Variants in ANKRD31 observed in about 807,000 individuals in gnomAD.
ANKRD31 encodes ankyrin repeat domain-containing protein 31.
A neutral mutation model predicts 186.0 loss-of-function variants in ANKRD31; 147 were observed. That is an observed-to-expected ratio of 0.79 (90% CI 0.69 to 0.91). The LOEUF (loss-of-function observed/expected upper bound fraction) is 0.91, where lower values mean the gene tolerates loss of function less well. ANKRD31 is among the 40% of genes least tolerant of loss of function. The pLI is 0.00. For synonymous variants in ANKRD31, 673 were observed against 736.4 expected (o/e 0.91, Z 1.39); for missense variants, 1,986 against 2,148.8 (o/e 0.92, Z 1.50).
chr5:75,226,198 GACA>G (rs1193722237), intron 2 of ANKRD31, among the ~76,000 whole-genome samples: 1 of 152,180 alleles, frequency 6.6e-6, no homozygotes. Context: ...CTGGCTCCCA[GACA>G]ACATCTCTAG....
intron 1 of ANKRD31, among the ~76,000 whole-genome samples, chr5:75,235,878 C>T (rs890663086): frequency 1.3e-5 from 2 of 151,970 alleles, no homozygotes; most frequent in African/African-American, 4.8e-5. Flanking sequence ...ACCTGTCTTT[C>T]TGATCATATG....
At chr5:75,167,007 C>A (rs191828369) in intron 11 of ANKRD31, among the ~76,000 whole-genome samples, 4 of 151,876 alleles carry the variant, frequency 2.6e-5, no homozygotes, top group Admixed American at 6.6e-5. Flanking sequence ...GGTTGTATAA[C>A]CCTCACCACA....
chr5:75,194,498 G>A (rs1320452672), intron 7 of ANKRD31, among the ~76,000 whole-genome samples: 1 of 151,986 alleles, frequency 6.6e-6, no homozygotes. Flanking sequence ...ATGCAGTATT[G>A]TCCCAGGTAT....
chr5:75,170,273 G>A (rs1208203397), intron 10 of ANKRD31, among the ~76,000 whole-genome samples: 1 of 151,994 alleles, frequency 6.6e-6, no homozygotes, highest in Non-Finnish European at 1.5e-5. Context: ...AAACATTAGA[G>A]GTGTACACTT....
In ANKRD31 at chr5:75,162,787, C is replaced by A. The variant is rs552858663; in HGVS notation, c.1707+6192G>T. ...TTTTAATGAAAAATCTACTTAGATA[C>A]CACAGCCCAGGTGCTAGGTATGCTC... On this transcript the variant is annotated intron_variant, in intron 11 of 25. Transcript: ENST00000506364. 3.6e-4 allele frequency among the ~76,000 whole-genome samples: 55 copies of A among 152,218 alleles called. No homozygotes were observed. In the South Asian group the frequency reaches 5.0e-3, roughly 14 times the overall value.
chr5:75,112,489 A>G lies in ANKRD31; in HGVS notation c.4243+24T>C. 2.1e-6 allele frequency: 3 copies of G among 1,397,168 alleles called. No individual in the cohort carries two copies. In the East Asian group the frequency reaches 7.6e-5, roughly 35 times the overall value. 86.5% of individuals were successfully genotyped at this position (1,397,168 alleles called of 1,614,324 possible). The stretch of plus-strand genomic sequence containing the variant: ...GACCTTGGGTATCTGAAAATATCAT[A>G]CTTGAGTATGAGTCTATATTTACCT... On this transcript the variant is annotated intron_variant, in intron 20 of 25. Transcript: ENST00000506364.
intron 10 of ANKRD31, among the ~76,000 whole-genome samples, chr5:75,177,066 A>G (rs556490266): frequency 6.6e-6 from 1 of 152,372 alleles, no homozygotes; most frequent in South Asian, 2.1e-4. Context: ...AAACCACGGC[A>G]CGAGAACTAC....
At chr5:75,084,135 T>C in intron 24 of ANKRD31, 137 bp downstream of exon 24, 2 of 670,712 alleles carry the variant, frequency 3.0e-6, no homozygotes, top group Non-Finnish European at 5.0e-6. Flanking sequence ...CACTGAATTG[T>C]TCACCTTGAA....
At chr5:75,236,493 C>T in intron 1 of ANKRD31, 90 bp downstream of exon 1, 2 of 1,059,500 alleles carry the variant, frequency 1.9e-6, no homozygotes, top group Admixed American at 2.4e-5. Context: ...GTTCTGGTCA[C>T]GATCTCCACT....
chr5:75,180,813 A>T (rs979794576), intron 10 of ANKRD31, among the ~76,000 whole-genome samples: 1 of 152,200 alleles, frequency 6.6e-6, no homozygotes, highest in Non-Finnish European at 1.5e-5. Flanking sequence ...CATTCAGGAC[A>T]TAGGCATGGG....
At position 75,147,078 on chromosome 5, in the gene ANKRD31, T is replaced by C; in HGVS notation, c.2333A>G (p.Glu778Gly). The change falls in exon 14 of 26, where the codon GAA becomes GGA. Residue 778 changes from glutamate (E) to glycine (G), a missense_variant. Glu to Gly is a moderately conservative substitution (Grantham distance 98). Transcript: ENST00000506364. Reference protein sequence around the residue: ...HIPETHNDLPEELCEPSSLTL... With the variant: ...HIPETHNDLPGELCEPSSLTL... ...TAAGCTGGAAGGTTCACACAATTCT[T>C]CTGGAAGGTCATTATGAGTTTCTGG... 6.5e-7 allele frequency: 1 copy of C among 1,536,412 alleles called. No homozygotes were observed. The highest frequency in any genetic ancestry group is 8.7e-7 in the Non-Finnish European group (1 of 1,146,364).
intron 20 of ANKRD31, among the ~76,000 whole-genome samples, chr5:75,108,141 T>C (rs986834099): frequency 1.3e-5 from 2 of 151,902 alleles, no homozygotes; most frequent in Admixed American, 6.6e-5. Flanking sequence ...GTAAAATTTG[T>C]GTTATATATT....
At chr5:75,165,410 A>T (rs1483062723) in intron 11 of ANKRD31, among the ~76,000 whole-genome samples, 1 of 152,106 alleles carries the variant, frequency 6.6e-6, no homozygotes, top group Non-Finnish European at 1.5e-5. Context: ...ATGATAAAGA[A>T]ATAATTCAAT....
At chr5:75,211,858 T>C (rs751482005) in intron 3 of ANKRD31, among the ~76,000 whole-genome samples, 5 of 152,098 alleles carry the variant, frequency 3.3e-5, no homozygotes, top group Non-Finnish European at 7.4e-5. Context: ...TGCTGTGGAG[T>C]TGTAAGAACT....
At position 75,097,805 on chromosome 5, in the gene ANKRD31, T is replaced by C. The variant is rs557035251; in HGVS notation, c.5332-6404A>G. ...TATGGTTTTAGGTCTAACATTTAAGTCTTTAATCCATCTTGAATTAATTTT... is the reference window on the plus strand; with the variant it reads ...TATGGTTTTAGGTCTAACATTTAAGCCTTTAATCCATCTTGAATTAATTTT... On this transcript the variant is annotated intron_variant, in intron 22 of 25. Transcript: ENST00000506364. 2.3e-4 allele frequency among the ~76,000 whole-genome samples: 35 copies of C among 152,344 alleles called. No individual in the cohort carries two copies. In the South Asian group the frequency reaches 7.2e-3, roughly 32 times the overall value.
intron 10 of ANKRD31, among the ~76,000 whole-genome samples, chr5:75,182,465 T>A (rs543763100): frequency 6.6e-6 from 1 of 152,252 alleles, no homozygotes; most frequent in African/African-American, 2.4e-5. Flanking sequence ...ATGCCTATAA[T>A]CCCAGCACTT....
chr5:75,148,268 G>A (rs1277115978), intron 13 of ANKRD31, among the ~76,000 whole-genome samples: 3 of 151,642 alleles, frequency 2.0e-5, no homozygotes, highest in Non-Finnish European at 4.4e-5. Context: ...TGAAGGGATG[G>A]GCTAATACCT....
intron 5 of ANKRD31, among the ~76,000 whole-genome samples, chr5:75,201,431 T>G (rs997709491): frequency 2.0e-5 from 3 of 152,190 alleles, no homozygotes; most frequent in African/African-American, 7.2e-5. Context: ...AAGAAACATT[T>G]TAAAATAATA....
chr5:75,108,510 G>C (rs1466326079), intron 20 of ANKRD31, among the ~76,000 whole-genome samples: 5 of 152,022 alleles, frequency 3.3e-5, no homozygotes, highest in African/African-American at 1.2e-4. Context: ...GCTACTTGTT[G>C]TTTCTTTCAC....
Sources: gnomAD v4.1 joint callset for allele counts (sites outside exome capture counted in the v4.1 genomes callset) on GRCh38, gnomAD v4.1.1 for gene constraint, MANE v1.5 for transcripts, NCBI Gene and HGNC (gene_info 2026-07-23, HGNC 2026-07-21) for gene names.